ANO3: variants seen among roughly 807,000 people sequenced by gnomAD.
The protein encoded by ANO3 is anoctamin-3.
Under a neutral mutation model 144.8 loss-of-function variants are expected in ANO3, and 99 were observed. The observed-to-expected ratio is 0.68, with a 90% CI of 0.58 to 0.81. The LOEUF (loss-of-function observed/expected upper bound fraction) is 0.81, where lower values mean the gene tolerates loss of function less well. Among genes scored for constraint, ANO3 ranks in the 30% least tolerant of loss-of-function variants. ANO3 has a pLI of 0.00. For missense variants in ANO3, 905 were observed against 1,202.2 expected (o/e 0.75, Z 3.66); for synonymous variants, 414 against 392.6 (o/e 1.05, Z -0.64).
At chr11:26,221,209 T>C (rs185373045) in intron 1 of ANO3, among the ~76,000 whole-genome samples, 15 of 152,318 alleles carry the variant, frequency 9.8e-5, no homozygotes, top group African/African-American at 3.1e-4. Context: ...GTAGCTGTGA[T>C]GTTTTGCTAT....
chr11:26,465,831 T>C (rs1170000467), intron 4 of ANO3, among the ~76,000 whole-genome samples: 1 of 151,970 alleles, frequency 6.6e-6, no homozygotes, highest in African/African-American at 2.4e-5. Flanking sequence ...GTTGGGGTAG[T>C]GAATTTTAAT....
intron 1 of ANO3, among the ~76,000 whole-genome samples, chr11:26,372,270 G>A (rs558661634): frequency 1.0e-3 from 155 of 152,222 alleles, no homozygotes; most frequent in African/African-American, 3.7e-3. Context: ...AGAAGGACAG[G>A]TTTGCTTCCC....
At chr11:26,554,320 C>T (rs892693303) in intron 13 of ANO3, among the ~76,000 whole-genome samples, 19 of 151,954 alleles carry the variant, frequency 1.3e-4, no homozygotes, top group African/African-American at 4.6e-4. Flanking sequence ...TTGTTTATTT[C>T]TTTACCTATT....
At chr11:26,201,108 C>T (rs1368881582) in intron 1 of ANO3, among the ~76,000 whole-genome samples, 4 of 152,152 alleles carry the variant, frequency 2.6e-5, no homozygotes, top group African/African-American at 9.7e-5. Flanking sequence ...CCCTGAATCA[C>T]AGTTTCACCA....
At chr11:26,328,230 T>G (rs2133884537), upstream of ANO3, among the ~76,000 whole-genome samples, 2 of 152,318 alleles carry the variant, frequency 1.3e-5, no homozygotes, top group African/African-American at 4.8e-5. Context: ...AATTCTGCTG[T>G]TATACTGTCA....
chr11:26,335,840 G>A (rs1855178052), intron 1 of ANO3, among the ~76,000 whole-genome samples: 1 of 152,164 alleles, frequency 6.6e-6, no homozygotes, highest in South Asian at 2.1e-4. Flanking sequence ...GTAGGAAAAT[G>A]TTGACGTTTT....
chr11:26,544,923 G>C (rs979605792), intron 11 of ANO3, among the ~76,000 whole-genome samples: 3 of 151,910 alleles, frequency 2.0e-5, no homozygotes, highest in Non-Finnish European at 4.4e-5. Context: ...AGGAGTCTGT[G>C]ATGAAATACT....
chr11:26,386,204 C>A (rs1856727009), intron 1 of ANO3, among the ~76,000 whole-genome samples: 1 of 151,898 alleles, frequency 6.6e-6, no homozygotes, highest in South Asian at 2.1e-4. Context: ...ATTTTAGCAT[C>A]AAAATAAATA....
chr11:26,619,079 G>A (rs888710296), intron 17 of ANO3, among the ~76,000 whole-genome samples: 1 of 152,162 alleles, frequency 6.6e-6, no homozygotes, highest in South Asian at 2.1e-4. Context: ...AACAGGGGCT[G>A]TAGCTTCCTC....
chr11:26,325,011 G>A (rs1040830887), intron 1 of ANO3, among the ~76,000 whole-genome samples: 21 of 152,138 alleles, frequency 1.4e-4, no homozygotes, highest in South Asian at 2.1e-4. Context: ...TCTGATTTGG[G>A]AACTGGAAAA....
At chr11:26,201,319 AT>A (rs1851688223) in intron 1 of ANO3, among the ~76,000 whole-genome samples, 2 of 152,160 alleles carry the variant, frequency 1.3e-5, no homozygotes, top group Non-Finnish European at 1.5e-5. Flanking sequence ...GAGTTTAACA[AT>A]TCACTCTTGA....
chr11:26,295,515 C>CAAAAAAAAAAAAAAAAAAAAAAAAAAA (rs71047842), intron 1 of ANO3, among the ~76,000 whole-genome samples: 1 of 66,116 alleles, frequency 1.5e-5, no homozygotes, highest in African/African-American at 4.3e-5. Flanking sequence ...GACTCTGTCT[C>CAAAAAAAAAAAAAAAAAAAAAAAAAAA]AAAAAAAAAA....
At chr11:26,265,669 A>C (rs370562314) in intron 1 of ANO3, among the ~76,000 whole-genome samples, 1 of 152,214 alleles carries the variant, frequency 6.6e-6, no homozygotes, top group Non-Finnish European at 1.5e-5. Flanking sequence ...TACAGTAAGC[A>C]TTATAGCCCT....
At chr11:26,449,798 G>T (rs1444790145) in intron 3 of ANO3, among the ~76,000 whole-genome samples, 1 of 151,552 alleles carries the variant, frequency 6.6e-6, no homozygotes, top group African/African-American at 2.4e-5. Flanking sequence ...TTGTTGCCCA[G>T]GCTGGAGGAG....
At chr11:26,590,317 C>T (rs1272585352) in intron 14 of ANO3, among the ~76,000 whole-genome samples, 3 of 152,208 alleles carry the variant, frequency 2.0e-5, no homozygotes, top group Non-Finnish European at 2.9e-5. Flanking sequence ...TACTCAACAA[C>T]TTATATGATG....
At chr11:26,389,330 T>TTTC (rs897876418) in intron 1 of ANO3, among the ~76,000 whole-genome samples, 58 of 152,216 alleles carry the variant, frequency 3.8e-4, no homozygotes, top group African/African-American at 1.3e-3. Flanking sequence ...AGTGTCTCAA[T>TTTC]TTCTTCATCA....
rs573521028 is a variant in ANO3, at chr11:26,522,568, G to A, written c.693-3067G>A. Among the ~76,000 whole-genome samples, 67 of 152,196 alleles carry A rather than the reference G, an allele frequency of 4.4e-4. 1 individual carries two copies. The highest frequency in any genetic ancestry group is 1.5e-3 in the African/African-American group (63 of 41,528). ...AAAATTAAGGGAAAAATAAAGCACCGTACATGAACAGTAGGCAGTTACTAA... is the reference window on the plus strand; with the variant it reads ...AAAATTAAGGGAAAAATAAAGCACCATACATGAACAGTAGGCAGTTACTAA... On this transcript the variant is annotated intron_variant, in intron 6 of 26. Coordinates refer to ENST00000256737, the MANE Select transcript of ANO3 (RefSeq NM_031418.4).
intron 1 of ANO3, among the ~76,000 whole-genome samples, chr11:26,379,832 G>A (rs1563956): frequency 0.54 from 82,084 of 151,858 alleles, 23,244 homozygotes; most frequent in East Asian, 0.68. Context: ...GGCATTTATT[G>A]GTAGTAGAGT....
intron 7 of ANO3, among the ~76,000 whole-genome samples, chr11:26,530,483 ATC>A (rs1280487364): frequency 3.0e-4 from 17 of 57,620 alleles, no homozygotes; most frequent in Non-Finnish European, 6.6e-4. Flanking sequence ...CTATCTATCT[ATC>A]TATCTATCTA....
Sources: allele counts gnomAD v4.1 joint callset (sites outside exome capture counted in the v4.1 genomes callset), GRCh38; gene constraint gnomAD v4.1.1; transcripts MANE v1.5; gene names NCBI Gene and HGNC (gene_info 2026-07-23, HGNC 2026-07-21).